IL7: variants seen among roughly 807,000 people sequenced by gnomAD.
IL7 encodes the protein interleukin 7.
In IL7, 3 loss-of-function variants were observed where a neutral mutation model predicts 21.6. That is an observed-to-expected ratio of 0.14 (90% CI 0.06 to 0.36). The LOEUF (loss-of-function observed/expected upper bound fraction) is 0.36. Among genes scored for constraint, IL7 ranks in the 10% least tolerant of loss-of-function variants. The probability of loss-of-function intolerance (pLI) is 1.00; values close to 1 mark genes in which losing one functional copy is unlikely to be tolerated. For synonymous variants in IL7, 62 were observed against 68.1 expected (o/e 0.91, Z 0.44); for missense variants, 175 against 200.2 (o/e 0.87, Z 0.76).
chr8:78,715,442 T>C (rs1811071262), downstream of IL7: 1 of 969,040 alleles, frequency 1.0e-6, no homozygotes, highest in Non-Finnish European at 1.5e-6. Flanking sequence ...CTGATTTTTT[T>C]CTTTTAATCT....
Position 78,693,632 on chromosome 8 carries a change from G to A in IL7, n.215-7685C>T, listed in dbSNP as rs1486462761. Among the ~76,000 whole-genome samples, 13 of 151,960 alleles carry A rather than the reference G, an allele frequency of 8.6e-5. No homozygotes were observed. In the South Asian group the frequency reaches 1.9e-3, roughly 22 times the overall value. ...AGTTCATTGTAGATTCTGGATATTA[G>A]CCCTTTGTCAGATGAGTAGATTGCA... On this transcript the variant is annotated intron_variant and non_coding_transcript_variant, in intron 3 of 4. Transcript: ENST00000523959.
At position 78,733,296 on chromosome 8, in the gene IL7, T is replaced by C. The variant is rs934902423; in HGVS notation, c.*417A>G. On this transcript the variant is annotated 3_prime_UTR_variant, in exon 6 of 6. Coordinates refer to ENST00000263851, the MANE Select transcript of IL7 (RefSeq NM_000880.4). ...AATTTTCACTCTTAATACAGTATAATAGATTCATAGTGAGCCATAAAATTA... is the reference window on the plus strand; with the variant it reads ...AATTTTCACTCTTAATACAGTATAACAGATTCATAGTGAGCCATAAAATTA... The C allele has an allele frequency of 5.9e-6, 1 of 168,764 alleles. No individual in the cohort carries two copies. Among genetic ancestry groups the C allele is most frequent in the Non-Finnish European group, 1.3e-5 (1 of 79,726 alleles). The allele number at this position is 168,764 out of a possible 1,614,324, so 10.5% of individuals were successfully genotyped here. A position where few individuals can be genotyped will look rare whatever the true frequency, so the allele number is the denominator to read the frequency against.
intron 3 of IL7, 29 bp from the exon 4 acceptor site, chr8:78,738,664 T>C (rs751339255): frequency 1.9e-6 from 3 of 1,598,624 alleles, no homozygotes; most frequent in Non-Finnish European, 2.6e-6. Flanking sequence ...AGAAGGGCCA[T>C]GGTTCAAATA....
chr8:78,708,913 A>T (rs1021947650), intron 3 of IL7, among the ~76,000 whole-genome samples: 1 of 151,926 alleles, frequency 6.6e-6, no homozygotes, highest in African/African-American at 2.4e-5. Flanking sequence ...TGATCCATCC[A>T]CCTCGGTTTC....
chr8:78,774,126 A>G (rs72661369), intron 2 of IL7, among the ~76,000 whole-genome samples: 9,745 of 152,196 alleles, frequency 0.064, 338 homozygotes, highest in Middle Eastern at 0.092. Flanking sequence ...TGTTTACCCT[A>G]TCTAACATTT....
At chr8:78,726,153 T>C (rs1586044657) in intron 3 of IL7, among the ~76,000 whole-genome samples, 5 of 151,970 alleles carry the variant, frequency 3.3e-5, no homozygotes, top group African/African-American at 1.2e-4. Context: ...GATGATTTCA[T>C]TGAAAAAGTG....
intron 2 of IL7, among the ~76,000 whole-genome samples, chr8:78,745,828 G>A (rs1811960107): frequency 6.6e-6 from 1 of 152,036 alleles, no homozygotes; most frequent in African/African-American, 2.4e-5. Flanking sequence ...AGAGGCTCTG[G>A]GAGAGCATGC....
At chr8:78,742,657 A>G (rs148591232) in intron 2 of IL7, among the ~76,000 whole-genome samples, 3 of 152,148 alleles carry the variant, frequency 2.0e-5, no homozygotes, top group African/African-American at 7.2e-5. Flanking sequence ...GGTGAATTTT[A>G]TGCTTTATCT....
chr8:78,693,723 G>T (rs957261136), intron 3 of IL7, among the ~76,000 whole-genome samples: 4 of 152,132 alleles, frequency 2.6e-5, no homozygotes, highest in Non-Finnish European at 4.4e-5. Context: ...CTGTGCAGAA[G>T]CTCTTTAGTT....
intron 2 of IL7, among the ~76,000 whole-genome samples, chr8:78,767,710 A>C (rs1812801496): frequency 6.6e-6 from 1 of 152,096 alleles, no homozygotes; most frequent in African/African-American, 2.4e-5. Flanking sequence ...TGATTGTTTT[A>C]TATCACCATT....
chr8:78,709,562 T>A lies in IL7; in HGVS notation n.214+11786A>T, dbSNP rs535496614. ...TGAGATACTAATTATTTGTGTAGGA[T>A]TGATAAATTTAGGATCAAAAGTAGA... On this transcript the variant is annotated intron_variant and non_coding_transcript_variant, in intron 3 of 4. Coordinates refer to the IL7 transcript ENST00000523959. Among the ~76,000 whole-genome samples, 4 of 152,208 alleles carry A rather than the reference T, an allele frequency of 2.6e-5. No homozygotes were observed. The South Asian group carries it at 8.3e-4, about 32-fold the overall frequency.
chr8:78,678,436 T>C lies in IL7; in HGVS notation n.274-2332A>G, dbSNP rs1809655295. The C allele has an allele frequency of 4.4e-6, 3 of 675,888 alleles. No individual in the cohort carries two copies. The South Asian group carries it at 6.6e-5, about 15-fold the overall frequency. The allele number at this position is 675,888 out of a possible 1,614,324, so 41.9% of individuals were successfully genotyped here. A position where few individuals can be genotyped will look rare whatever the true frequency, so the allele number is the denominator to read the frequency against. On this transcript the variant is annotated intron_variant and non_coding_transcript_variant, in intron 4 of 4. Transcript: ENST00000523959. ...TAAGGCAAGGTGTATCTTATTTATTTATTATTTTGTATTCAGGTTTTTCAT... is the reference window on the plus strand; with the variant it reads ...TAAGGCAAGGTGTATCTTATTTATTCATTATTTTGTATTCAGGTTTTTCAT...
At chr8:78,708,672 CTT>C (rs66697724) in intron 3 of IL7, among the ~76,000 whole-genome samples, 3 of 142,612 alleles carry the variant, frequency 2.1e-5, no homozygotes, top group South Asian at 4.4e-4. Flanking sequence ...AGATGATTAT[CTT>C]TTTTTTTTCT....
Position 78,723,183 on chromosome 8 carries a change from A to T in IL7, n.268-1743T>A, listed in dbSNP as rs1402409657. Among the ~76,000 whole-genome samples, 8 of 150,884 alleles carry T rather than the reference A, an allele frequency of 5.3e-5. No homozygotes were observed. In the Admixed American group the frequency reaches 5.3e-4, roughly 10 times the overall value. On this transcript the variant is annotated intron_variant and non_coding_transcript_variant, in intron 3 of 6. Coordinates refer to the IL7 transcript ENST00000519833. ...TTTTCCTCAAGTTAGTAAAGTTTGG[A>T]TTCATACATTTTCTAGAGAAGCAAT...
chr8:78,695,210 G>A (rs1393244929), intron 3 of IL7, among the ~76,000 whole-genome samples: 1 of 152,114 alleles, frequency 6.6e-6, no homozygotes, highest in Non-Finnish European at 1.5e-5. Flanking sequence ...GTTGTTCTAG[G>A]TTCTGAATAG....
rs1810063508 is a variant in IL7 at position 78,687,821 on chromosome 8, ATATT to A, written n.215-1878_215-1875del. Among the ~76,000 whole-genome samples the A allele has an allele frequency of 3.1e-5, 4 of 127,082 alleles. No homozygotes were observed. In the Admixed American group the frequency reaches 3.8e-4, roughly 12 times the overall value. 83.4% of individuals were successfully genotyped at this position (127,082 alleles called of 152,430 possible). A position where few individuals can be genotyped will look rare whatever the true frequency, so the allele number is the denominator to read the frequency against. On this transcript the variant is annotated intron_variant and non_coding_transcript_variant, in intron 3 of 4. Coordinates refer to the IL7 transcript ENST00000523959. ...ATATATATTCATGTAATAAATATATATATTCATGTAATAAATTATATATATATTT... is the reference window on the plus strand; with the variant it reads ...ATATATATTCATGTAATAAATATATACATGTAATAAATTATATATATATTT...
At chr8:78,729,353 T>G (rs968213885), downstream of IL7, among the ~76,000 whole-genome samples, 2 of 152,002 alleles carry the variant, frequency 1.3e-5, no homozygotes, top group African/African-American at 4.8e-5. Flanking sequence ...AAATATTTGT[T>G]GAGTGAATGA....
intron 2 of IL7, among the ~76,000 whole-genome samples, chr8:78,744,908 A>T (rs1811925093): frequency 6.6e-6 from 1 of 152,036 alleles, no homozygotes; most frequent in Non-Finnish European, 1.5e-5. Context: ...TGGGCAGGGG[A>T]GGTTCACCTG....
chr8:78,675,788 G>C (rs901730759), exon 5 of IL7: 1 of 1,606,144 alleles, frequency 6.2e-7, no homozygotes, highest in Non-Finnish European at 8.5e-7. Context: ...CTGTTTTAGA[G>C]AATGGAGGTG....
Sources: allele counts gnomAD v4.1 joint callset (sites outside exome capture counted in the v4.1 genomes callset), GRCh38; gene constraint gnomAD v4.1.1; transcripts MANE v1.5; gene names NCBI Gene and HGNC (gene_info 2026-07-23, HGNC 2026-07-21).